Variants in DPYD observed in about 807,000 individuals in gnomAD.
The protein encoded by DPYD is dihydropyrimidine dehydrogenase [NADP(+)].
In DPYD, 109 loss-of-function variants were observed where a neutral mutation model predicts 116.2. That is an observed-to-expected ratio of 0.94 (90% CI 0.80 to 1.10). DPYD has a LOEUF of 1.10. Ranked by LOEUF, DPYD falls within the 50% of genes least tolerant of loss-of-function variation. The pLI is 0.00. For synonymous variants in DPYD, 440 were observed against 432.0 expected, an observed-to-expected ratio of 1.02 and a Z score of -0.23; for missense variants, 1,302 against 1,254.5, an observed-to-expected ratio of 1.04 and a Z score of -0.57.
intron 14 of DPYD, among the ~76,000 whole-genome samples, chr1:97,428,867 T>C (rs1173204712): frequency 1.3e-5 from 2 of 152,018 alleles, no homozygotes; most frequent in African/African-American, 2.4e-5. Flanking sequence ...ATGATTATGA[T>C]TAAACTGTAG....
intron 3 of DPYD, among the ~76,000 whole-genome samples, chr1:97,817,930 A>G (rs1668714838): frequency 6.6e-6 from 1 of 152,072 alleles, no homozygotes; most frequent in African/African-American, 2.4e-5. Context: ...CTGCTCATTC[A>G]AAGTCTGTAT....
intron 21 of DPYD, among the ~76,000 whole-genome samples, chr1:97,088,091 TCTTA>T (rs1168913881): frequency 6.6e-6 from 1 of 152,200 alleles, no homozygotes; most frequent in East Asian, 1.9e-4. Context: ...ATAACCTTTT[TCTTA>T]CTTCTTAGGA....
chr1:97,491,958 T>C (rs1026707466), intron 13 of DPYD, among the ~76,000 whole-genome samples: 1 of 152,130 alleles, frequency 6.6e-6, no homozygotes, highest in Non-Finnish European at 1.5e-5. Context: ...TATGGATACA[T>C]CTCATGTATT....
chr1:97,173,284 A>ATATGTACATATATATGTACACC (rs1656915922), intron 20 of DPYD, among the ~76,000 whole-genome samples: 1 of 111,238 alleles, frequency 9.0e-6, no homozygotes. Flanking sequence ...ATATGCACAC[A>ATATGTACATATATATGTACACC]TATATGTACA....
intron 13 of DPYD, among the ~76,000 whole-genome samples, chr1:97,481,806 G>C (rs886168421): frequency 4.6e-5 from 7 of 152,086 alleles, no homozygotes; most frequent in Non-Finnish European, 8.8e-5. Context: ...ATGGATTTTT[G>C]CCTAACATAA....
At chr1:97,120,198 C>T (rs1017276465) in intron 20 of DPYD, among the ~76,000 whole-genome samples, 4 of 152,178 alleles carry the variant, frequency 2.6e-5, no homozygotes, top group African/African-American at 9.6e-5. Context: ...CTTGTTCTCA[C>T]ATTTGACACC....
At chr1:97,098,964 C>A (rs933944030) in intron 20 of DPYD, among the ~76,000 whole-genome samples, 2 of 152,086 alleles carry the variant, frequency 1.3e-5, no homozygotes, top group Non-Finnish European at 2.9e-5. Flanking sequence ...ATTAGTTAAA[C>A]CATTTGTTTG....
intron 10 of DPYD, among the ~76,000 whole-genome samples, chr1:97,580,324 A>C (rs1653550967): frequency 6.6e-6 from 1 of 152,250 alleles, no homozygotes; most frequent in African/African-American, 2.4e-5. Flanking sequence ...ATTTAGAAGC[A>C]AAATTGTTTA....
At chr1:97,567,284 G>A (rs1299608685) in intron 11 of DPYD, among the ~76,000 whole-genome samples, 1 of 151,904 alleles carries the variant, frequency 6.6e-6, no homozygotes, top group Non-Finnish European at 1.5e-5. Context: ...TTTTCTGAGG[G>A]CCTTCTAATA....
At chr1:97,342,983 A>C (rs1200960861) in intron 16 of DPYD, among the ~76,000 whole-genome samples, 1 of 152,082 alleles carries the variant, frequency 6.6e-6, no homozygotes, top group African/African-American at 2.4e-5. Context: ...TTGACTTAAA[A>C]TTTCAGGAGA....
At chr1:97,397,883 T>A (rs1192598782) in intron 14 of DPYD, among the ~76,000 whole-genome samples, 1 of 151,760 alleles carries the variant, frequency 6.6e-6, no homozygotes, top group Non-Finnish European at 1.5e-5. Context: ...TACCAAGGAG[T>A]AGAGTTGTTG....
intron 11 of DPYD, among the ~76,000 whole-genome samples, chr1:97,566,129 A>G (rs1387503817): frequency 1.3e-5 from 2 of 152,148 alleles, no homozygotes; most frequent in Admixed American, 6.6e-5. Flanking sequence ...TTCCTCTAGG[A>G]AGCTTCCCTG....
chr1:97,155,881 G>A (rs11165793), intron 20 of DPYD, among the ~76,000 whole-genome samples: 27,448 of 152,012 alleles, frequency 0.18, 2,545 homozygotes, highest in East Asian at 0.29. Flanking sequence ...TGTATTATCT[G>A]TTCTAGTACT....
intron 19 of DPYD, among the ~76,000 whole-genome samples, chr1:97,228,579 A>G (rs1661350779): frequency 6.6e-6 from 1 of 152,176 alleles, no homozygotes. Context: ...GAATCAAAAT[A>G]TTTATTTATA....
At chr1:97,476,022 G>C (rs1031260388) in intron 13 of DPYD, among the ~76,000 whole-genome samples, 1 of 152,160 alleles carries the variant, frequency 6.6e-6, no homozygotes, top group African/African-American at 2.4e-5. Context: ...GGGGAGTCAT[G>C]GGCTAGCAAG....
In DPYD at chr1:97,732,437, T is replaced by A. The variant is rs143611358; in HGVS notation, c.321+7955A>T. On this transcript the variant is annotated intron_variant, in intron 4 of 22. Coordinates refer to ENST00000370192, the MANE Select transcript of DPYD (RefSeq NM_000110.4). ...TTTCAGTGAGCCGAGATTGTGCCAC[T>A]GCACTCCAGTCTGGCAACAGAGCAA... 4.1e-4 allele frequency among the ~76,000 whole-genome samples: 59 copies of A among 143,118 alleles called. No homozygotes were observed. The East Asian group carries it at 0.012, about 29-fold the overall frequency. The allele number at this position is 143,118 out of a possible 152,430, so 93.9% of individuals were successfully genotyped here.
chr1:97,748,959 T>C (rs779012108), intron 3 of DPYD, among the ~76,000 whole-genome samples: 18 of 152,204 alleles, frequency 1.2e-4, no homozygotes, highest in Non-Finnish European at 2.2e-4. Context: ...TAGCTAAAAA[T>C]GTAATTGATC....
intron 4 of DPYD, among the ~76,000 whole-genome samples, chr1:97,732,081 T>C (rs1364612812): frequency 6.6e-6 from 1 of 152,196 alleles, no homozygotes; most frequent in African/African-American, 2.4e-5. Flanking sequence ...ATTTTATAAC[T>C]TATAATTGAC....
chr1:97,179,408 G>T (rs1039682165), intron 20 of DPYD, among the ~76,000 whole-genome samples: 2 of 152,090 alleles, frequency 1.3e-5, no homozygotes, highest in Admixed American at 1.3e-4. Flanking sequence ...CAGCTCAGCT[G>T]GGCTGGGCTG....
Sources: gnomAD v4.1 joint callset for allele counts (sites outside exome capture counted in the v4.1 genomes callset) on GRCh38, gnomAD v4.1.1 for gene constraint, MANE v1.5 for transcripts, NCBI Gene and HGNC (gene_info 2026-07-23, HGNC 2026-07-21) for gene names.